Variants in GALNT11 observed in about 807,000 individuals in gnomAD.
The protein encoded by GALNT11 is polypeptide N-acetylgalactosaminyltransferase 11, also known as UDP-GalNAc:polypeptide N-acetylgalactosaminyltransferase 11.
In GALNT11, 47 loss-of-function variants were observed where a neutral mutation model predicts 72.7. The ratio of observed to expected loss-of-function variants is 0.65; its 90% confidence interval spans 0.51 to 0.82. The LOEUF (loss-of-function observed/expected upper bound fraction) is 0.82, where lower values mean the gene tolerates loss of function less well. Ranked by LOEUF, GALNT11 falls within the 40% of genes least tolerant of loss-of-function variation. GALNT11 has a pLI of 0.00. For missense variants in GALNT11, 677 were observed against 778.4 expected, an observed-to-expected ratio of 0.87 and a Z score of 1.55; for synonymous variants, 270 against 286.6, an observed-to-expected ratio of 0.94 and a Z score of 0.58.
intron 1 of GALNT11, among the ~76,000 whole-genome samples, chr7:152,089,931 G>A (rs138197690): frequency 3.8e-4 from 58 of 152,224 alleles, no homozygotes; most frequent in Non-Finnish European, 3.8e-4. Flanking sequence ...AGGAACAATC[G>A]AGGAAGTCAT....
intron 1 of GALNT11, among the ~76,000 whole-genome samples, chr7:152,028,839 A>G (rs536796046): frequency 2.0e-5 from 3 of 152,354 alleles, no homozygotes; most frequent in East Asian, 1.9e-4. Context: ...AGGTTGGTCC[A>G]GGGGTCCTGG....
At position 152,103,152 on chromosome 7, in the gene GALNT11, A is replaced by G. The variant is rs771535231; in HGVS notation, c.460A>G (p.Ser154Gly). ...KFYPPDLPAA[S>G]VVICFYNEAF... ...CTACCCACCTGACCTGCCAGCTGCT[A>G]GTGTTGTTATCTGTTTCTATAATGA... is the stretch of plus-strand genomic sequence containing the variant. Residue 154 changes from serine (S) to glycine (G), a missense_variant, in exon 4 of 12, where the codon AGT becomes GGT. Ser to Gly is a moderately conservative substitution (Grantham distance 56). Transcript: ENST00000430044. 2 of 1,611,136 alleles carry G rather than the reference A, an allele frequency of 1.2e-6. No homozygotes were observed. Among genetic ancestry groups the G allele is most frequent in the South Asian group, 2.2e-5 (2 of 90,986 alleles).
chr7:152,096,183 G>C (rs2086359250), intron 2 of GALNT11, among the ~76,000 whole-genome samples: 1 of 152,158 alleles, frequency 6.6e-6, no homozygotes, highest in African/African-American at 2.4e-5. Context: ...ATACTGTTAA[G>C]ATGTAGGTAT....
rs575845140 is a variant in GALNT11 at position 152,105,274 on chromosome 7, G to T, written c.616G>T (p.Val206Phe). ...TTTGAAAGGAGAACTAGATGAATAT[G>T]TCCAAAAATACCTCCCTGGAAAAAT... The part of the protein sequence containing the change: ...DDLKGELDEY[V>F]QKYLPGKIKV... Residue 206 changes from valine to phenylalanine, a missense_variant, in exon 5 of 12, where the codon GTC becomes TTC. Physicochemically the swap from Val to Phe is conservative, Grantham distance 50 (BLOSUM62 -1). Coordinates refer to ENST00000430044, the MANE Select transcript of GALNT11 (RefSeq NM_022087.4). 6.2e-7 allele frequency: 1 copy of T among 1,613,884 alleles called. No individual in the cohort carries two copies.
chr7:152,067,993 C>T (rs575702384), intron 1 of GALNT11, among the ~76,000 whole-genome samples: 1 of 151,954 alleles, frequency 6.6e-6, no homozygotes, highest in Non-Finnish European at 1.5e-5. Context: ...TTTAAATGAC[C>T]AGATCTTGCA....
chr7:152,112,971 C>T (rs2088407464), intron 7 of GALNT11, among the ~76,000 whole-genome samples: 1 of 152,168 alleles, frequency 6.6e-6, no homozygotes, highest in African/African-American at 2.4e-5. Flanking sequence ...GTTAAAGCAA[C>T]AAAGTTGGGT....
intron 1 of GALNT11, among the ~76,000 whole-genome samples, chr7:152,070,479 GGA>G (rs1421622258): frequency 6.8e-6 from 1 of 147,236 alleles, no homozygotes; most frequent in Non-Finnish European, 1.5e-5. Flanking sequence ...TGAGGTTCTG[GGA>G]GAGCATCTGT....
At chr7:152,046,399 C>G (rs1024801936) in intron 1 of GALNT11, among the ~76,000 whole-genome samples, 1 of 152,070 alleles carries the variant, frequency 6.6e-6, no homozygotes, top group Non-Finnish European at 1.5e-5. Flanking sequence ...GAAAATGAAG[C>G]ATTGGGAGTC....
At chr7:152,051,104 G>C (rs766359067) in intron 1 of GALNT11, among the ~76,000 whole-genome samples, 3 of 150,224 alleles carry the variant, frequency 2.0e-5, no homozygotes, top group Non-Finnish European at 4.4e-5. Flanking sequence ...AAGGTGCTTT[G>C]TTGTGTGGAT....
At chr7:152,115,696 A>C (rs1400501120) in intron 8 of GALNT11, among the ~76,000 whole-genome samples, 1 of 152,264 alleles carries the variant, frequency 6.6e-6, no homozygotes, top group Non-Finnish European at 1.5e-5. Flanking sequence ...TCAAGCCCTC[A>C]AGTGAAAATT....
intron 1 of GALNT11, among the ~76,000 whole-genome samples, chr7:152,042,599 C>G (rs1031237751): frequency 6.6e-6 from 1 of 152,186 alleles, no homozygotes; most frequent in Non-Finnish European, 1.5e-5. Context: ...GGAACTTTGT[C>G]TTTCCACTTG....
In GALNT11 at chr7:152,035,834, G is replaced by A. The variant is rs567418891; in HGVS notation, c.-39+9950G>A. ...ATGGTACTCACTGCTTGGCAATAGC[G>A]TCAGCCCCAAGTGAGGATGGGGAAG... On this transcript the variant is annotated intron_variant, in intron 1 of 11. Transcript: ENST00000430044. 6.2e-4 allele frequency among the ~76,000 whole-genome samples: 94 copies of A among 152,270 alleles called. 1 individual carries two copies. The South Asian group carries it at 0.014, about 23-fold the overall frequency.
In GALNT11 at chr7:152,051,990, C is replaced by T. The variant is rs368511707; in HGVS notation, c.-39+26106C>T. ...CAGTATTTTGTCACTATCACCAAAA[C>T]TTTTTCATTACCCCAAACAGAAATC... On this transcript the variant is annotated intron_variant, in intron 1 of 11. Transcript: ENST00000430044. Among the ~76,000 whole-genome samples, 6 of 152,158 alleles carry T rather than the reference C, an allele frequency of 3.9e-5. No homozygotes were observed. The East Asian group carries it at 9.6e-4, about 24-fold the overall frequency.
chr7:152,118,474 AC>A, intron 9 of GALNT11: 1 of 498,814 alleles, frequency 2.0e-6, no homozygotes, highest in South Asian at 2.7e-5. Context: ...ACTGCTAATA[AC>A]TTTTGGAGTT....
At chr7:152,105,482 T>C in intron 5 of GALNT11, 112 bp downstream of exon 5, 1 of 1,450,490 alleles carries the variant, frequency 6.9e-7, no homozygotes, top group South Asian at 1.5e-5. Flanking sequence ...AAACGGACAT[T>C]GCCAGCAGGA....
chr7:152,117,462 C>G (rs2088979961), intron 9 of GALNT11, 87 bp downstream of exon 9: 1 of 1,270,240 alleles, frequency 7.9e-7, no homozygotes, highest in Admixed American at 1.8e-5. Context: ...ACAGGTGACA[C>G]TGTGGACTTA....
At chr7:152,099,158 C>T (rs1246824882) in intron 2 of GALNT11, among the ~76,000 whole-genome samples, 8 of 151,932 alleles carry the variant, frequency 5.3e-5, no homozygotes, top group South Asian at 2.1e-4. Flanking sequence ...GTCAGGCTGG[C>T]GTTGAACTGC....
intron 10 of GALNT11, chr7:152,119,543 T>C (rs1458883142): frequency 6.6e-6 from 1 of 152,142 alleles, no homozygotes; most frequent in Non-Finnish European, 1.5e-5. Flanking sequence ...TCACGCCCAC[T>C]GTCTCAGGTG....
At chr7:152,043,382 C>T (rs190574923) in intron 1 of GALNT11, among the ~76,000 whole-genome samples, 1,913 of 152,328 alleles carry the variant, frequency 0.013, 39 homozygotes, top group African/African-American at 0.042. Flanking sequence ...GCAGCACTAC[C>T]GGCTGTGGCG....
Sources: gnomAD v4.1 joint callset for allele counts (sites outside exome capture counted in the v4.1 genomes callset) on GRCh38, gnomAD v4.1.1 for gene constraint, MANE v1.5 for transcripts, NCBI Gene and HGNC (gene_info 2026-07-23, HGNC 2026-07-21) for gene names.